Variants in MYH11 observed in about 807,000 individuals in gnomAD.
MYH11 encodes the protein myosin-11.
A neutral mutation model predicts 246.6 loss-of-function variants in MYH11; 80 were observed. That is an observed-to-expected ratio of 0.32 (90% CI 0.27 to 0.39). MYH11 has a LOEUF of 0.39. Among genes scored for constraint, MYH11 ranks in the 10% least tolerant of loss-of-function variants. The pLI is 1.00. For synonymous variants in MYH11, 1,071 were observed against 1,015.5 expected (o/e 1.05, Z -1.04); for missense variants, 2,158 against 2,546.8 (o/e 0.85, Z 3.29).
intron 3 of MYH11, among the ~76,000 whole-genome samples, chr16:15,812,619 T>C (rs1013993898): frequency 1.6e-5 from 2 of 128,954 alleles, no homozygotes; most frequent in Non-Finnish European, 3.2e-5. Flanking sequence ...ACACCTGTAA[T>C]CCCAGCACTT....
At chr16:15,736,664 G>A (rs968288359) in intron 25 of MYH11, among the ~76,000 whole-genome samples, 12 of 152,218 alleles carry the variant, frequency 7.9e-5, no homozygotes, top group Admixed American at 6.5e-5. Context: ...CAAATTGGCC[G>A]ACAAAAGAGC....
intron 2 of MYH11, among the ~76,000 whole-genome samples, chr16:15,829,728 A>G (rs1303266761): frequency 6.6e-6 from 1 of 152,126 alleles, no homozygotes; most frequent in African/African-American, 2.4e-5. Context: ...TTTTTCTCTG[A>G]CGCTTTATAT....
intron 3 of MYH11, among the ~76,000 whole-genome samples, chr16:15,819,708 A>G (rs1218492472): frequency 2.0e-5 from 3 of 152,206 alleles, no homozygotes; most frequent in African/African-American, 7.2e-5. Context: ...TCATAGAAAT[A>G]AAGTGCACAA....
chr16:15,704,539 T>G (rs999937944), intron 40 of MYH11, among the ~76,000 whole-genome samples: 1 of 152,232 alleles, frequency 6.6e-6, no homozygotes, highest in African/African-American at 2.4e-5. Context: ...GGGGCAGAGT[T>G]GAAGAGAGAA....
intron 1 of MYH11, among the ~76,000 whole-genome samples, chr16:15,853,477 G>A (rs1010501992): frequency 6.6e-6 from 1 of 152,092 alleles, no homozygotes; most frequent in Non-Finnish European, 1.5e-5. Flanking sequence ...TAGCAACTTT[G>A]ATGAGGTTGT....
intron 32 of MYH11, 35 bp from the exon 33 acceptor site, chr16:15,721,086 C>G (rs1205567687): frequency 1.2e-6 from 2 of 1,608,416 alleles, no homozygotes; most frequent in African/African-American, 2.7e-5. Context: ...TTCTATGAGG[C>G]TCAACTTCAT....
intron 1 of MYH11, among the ~76,000 whole-genome samples, chr16:15,852,159 A>G (rs1013073823): frequency 6.6e-6 from 1 of 152,106 alleles, no homozygotes; most frequent in African/African-American, 2.4e-5. Context: ...TCTAGGTTGT[A>G]CGTTCCTTAT....
chr16:15,716,010 C>T (rs1405060635), intron 38 of MYH11, among the ~76,000 whole-genome samples: 1 of 152,030 alleles, frequency 6.6e-6, no homozygotes, highest in African/African-American at 2.4e-5. Flanking sequence ...ACCTGTAGTC[C>T]CAGCTACTTG....
chr16:15,836,576 T>C (rs933142863), intron 2 of MYH11, among the ~76,000 whole-genome samples: 4 of 151,670 alleles, frequency 2.6e-5, no homozygotes, highest in Non-Finnish European at 5.9e-5. Context: ...ATTTTTGTAT[T>C]TTTAGTAGAG....
Position 15,763,673 on chromosome 16 carries a change from C to G in MYH11, c.1129+123G>C, listed in dbSNP as rs896024347. On this transcript the variant is annotated intron_variant, in intron 10 of 40. Coordinates refer to ENST00000300036, the MANE Select transcript of MYH11 (RefSeq NM_002474.3). ...GTTTGAAAAAGTGAGTGATAAGAAC[C>G]TAGTCCAACTGTTGTTAAAATCCCA... The G allele has an allele frequency of 4.8e-6, 4 of 839,818 alleles. No homozygotes were observed. In the African/African-American group the frequency reaches 5.0e-5, roughly 10 times the overall value. The allele number at this position is 839,818 out of a possible 1,614,324, so 52.0% of individuals were successfully genotyped here.
rs1162127083 is a variant in MYH11 at position 15,823,343 on chromosome 16, G to T, written c.414C>A (p.Ile138=). ...YKHLPIYSEK[I]VDMYKGKKRH... is the part of the protein sequence containing the mutation. ...TCTTCTTGCCCTTGTACATGTCGAC[G>T]ATCTTCTCCGAGTAGATGGGCAGGT... The change falls in exon 3 of 41, where the codon ATC becomes ATA. Residue 138 remains isoleucine (I), a synonymous_variant. Coordinates refer to ENST00000300036, the MANE Select transcript of MYH11 (RefSeq NM_002474.3). The T allele has an allele frequency of 2.5e-6, 4 of 1,614,164 alleles. No individual in the cohort carries two copies. Among genetic ancestry groups the T allele is most frequent in the Non-Finnish European group, 3.4e-6 (4 of 1,180,044 alleles).
Position 15,710,525 on chromosome 16 carries a change from AAAT to A in MYH11, c.5786+4381_5786+4383del, listed in dbSNP as rs1287797672. 8.6e-5 allele frequency among the ~76,000 whole-genome samples: 13 copies of A among 151,594 alleles called. No homozygotes were observed. In the South Asian group the frequency reaches 1.7e-3, roughly 19 times the overall value. On this transcript the variant is annotated intron_variant, in intron 40 of 40. Transcript: ENST00000300036. Reference sequence around the variant, plus strand: ...ACAGAGCTAGACTCCGTCTAAAAATAAATAATAAAAAGAAAAGAAATCACTGGG... The same window carrying A: ...ACAGAGCTAGACTCCGTCTAAAAATAAATAAAAAGAAAAGAAATCACTGGG...
chr16:15,707,489 G>A (rs995128553), intron 40 of MYH11, among the ~76,000 whole-genome samples: 1 of 152,176 alleles, frequency 6.6e-6, no homozygotes. Context: ...ATCCCAATCA[G>A]CTGGTAGGAG....
chr16:15,823,233 G>T (rs770835219), intron 3 of MYH11, 22 bp downstream of exon 3: 7 of 1,613,726 alleles, frequency 4.3e-6, no homozygotes, highest in South Asian at 2.2e-5. Context: ...AGCTGGCCCC[G>T]TGCAGCCCTG....
intron 22 of MYH11, 126 bp from the exon 23 acceptor site, chr16:15,740,314 G>A: frequency 6.8e-7 from 1 of 1,467,222 alleles, no homozygotes; most frequent in Non-Finnish European, 9.4e-7. Flanking sequence ...CTCCTAAAAG[G>A]AAGAAATAAA....
At position 15,750,807 on chromosome 16, in the gene MYH11, C is replaced by G. The variant is rs2041546189; in HGVS notation, c.1865-476G>C. Reference sequence around the variant, plus strand: ...GGACACTGCTGTGAACAAAAAAAGACCCGGCCCCCTCACCCCGCTTATATC... The same window carrying G: ...GGACACTGCTGTGAACAAAAAAAGAGCCGGCCCCCTCACCCCGCTTATATC... On this transcript the variant is annotated intron_variant, in intron 15 of 40. Transcript: ENST00000300036. The surrounding 1 kb of genome is among the most constrained non-coding windows in gnomAD (Gnocchi z 4.3). Among the ~76,000 whole-genome samples the G allele has an allele frequency of 6.6e-6, 1 of 152,104 alleles. No homozygotes were observed. The highest frequency in any genetic ancestry group is 6.6e-5 in the Admixed American group (1 of 15,266).
intron 13 of MYH11, 70 bp downstream of exon 13, chr16:15,757,757 C>T (rs1350736895): frequency 4.4e-6 from 7 of 1,596,808 alleles, no homozygotes; most frequent in East Asian, 2.2e-5. Flanking sequence ...GTGGGGTCCA[C>T]GTCGGCTCCA....
intron 4 of MYH11, among the ~76,000 whole-genome samples, chr16:15,789,938 T>A (rs1168984469): frequency 6.6e-6 from 1 of 152,206 alleles, no homozygotes; most frequent in African/African-American, 2.4e-5. Context: ...CTGCTGCTGC[T>A]CACTTCTCCT....
At position 15,738,651 on chromosome 16, in the gene MYH11, G is replaced by C; in HGVS notation, c.3035C>G (p.Thr1012Arg). 6.2e-7 allele frequency: 1 copy of C among 1,613,810 alleles called. No individual in the cohort carries two copies. Residue 1012 changes from threonine to arginine, a missense_variant, in exon 24 of 41, where the codon ACG becomes AGG. Thr to Arg is a moderately conservative substitution (Grantham distance 71, BLOSUM62 -1). Transcript: ENST00000300036. ...KLLEERISDL[T>R]TNLAEEEEKA... ...TTCTTCCTCTTCTGCAAGATTTGTC[G>C]TTAAGTCACTAATCCTCTCCTCAAG...
Sources: gnomAD v4.1 joint callset for allele counts (sites outside exome capture counted in the v4.1 genomes callset) on GRCh38, gnomAD v4.1.1 for gene constraint, Gnocchi (gnomAD v3.1) non-coding constraint, MANE v1.5 for transcripts, NCBI Gene and HGNC (gene_info 2026-07-23, HGNC 2026-07-21) for gene names.